The following SESN2 variants were observed in gnomAD, a reference collection of about 807,000 sequenced individuals.
The protein encoded by SESN2 is sestrin-2.
In SESN2, 42 loss-of-function variants were observed where a neutral mutation model predicts 56.0. That is an observed-to-expected ratio of 0.75 (90% CI 0.59 to 0.97). The LOEUF (loss-of-function observed/expected upper bound fraction) is 0.97, where lower values mean the gene tolerates loss of function less well. Among genes scored for constraint, SESN2 ranks in the 50% least tolerant of loss-of-function variants. The pLI is 0.00. For synonymous variants in SESN2, 264 were observed against 267.1 expected (o/e 0.99, Z 0.11); for missense variants, 507 against 649.4 (o/e 0.78, Z 2.38).
chr1:28,282,224 G>A lies in SESN2; in HGVS notation c.*1422G>A, dbSNP rs190218064. 1 of 152,776 alleles carries A rather than the reference G, an allele frequency of 6.5e-6. No homozygotes were observed. Among genetic ancestry groups the A allele is most frequent in the East Asian group, 1.9e-4 (1 of 5,196 alleles). 9.5% of individuals were successfully genotyped at this position (152,776 alleles called of 1,614,324 possible). A position where few individuals can be genotyped will look rare whatever the true frequency, so the allele number is the denominator to read the frequency against. On this transcript the variant is annotated 3_prime_UTR_variant, in exon 10 of 10. Coordinates refer to ENST00000253063, the MANE Select transcript of SESN2 (RefSeq NM_031459.5). ...TGCTGCTGGGCGGGGCAGGAGAGGAGCCTGGCCAGTGTGCCACATTAAATA... is the reference window on the plus strand; with the variant it reads ...TGCTGCTGGGCGGGGCAGGAGAGGAACCTGGCCAGTGTGCCACATTAAATA...
rs1367884362 is a variant in SESN2, at chr1:28,272,797, A to G, written c.750+4A>G. ...GGACCCGTTGAACAACTCTGGGGTA[A>G]GTCACGGGCCTGGGTCTTGATCGGG... On this transcript the variant is annotated splice_donor_region_variant and intron_variant, in intron 5 of 9. Coordinates refer to ENST00000253063, the MANE Select transcript of SESN2 (RefSeq NM_031459.5). 2 of 1,566,986 alleles carry G rather than the reference A, an allele frequency of 1.3e-6. No homozygotes were observed. The highest frequency in any genetic ancestry group is 1.7e-6 in the Non-Finnish European group (2 of 1,147,710).
chr1:28,272,632 G>A lies in SESN2; in HGVS notation c.589G>A (p.Ala197Thr). The change falls in exon 5 of 10, where the codon GCT becomes ACT. Residue 197 changes from alanine to threonine, a missense_variant. Physicochemically the swap from Ala to Thr is moderately conservative, Grantham distance 58. Transcript: ENST00000253063. ...TTGGTCCCTGGCCGAGCTCATTCAG[G>A]CTCTGGTCCTGCTCACCCACTGCCA... The part of the protein sequence containing the change: ...HTWSLAELIQ[A>T]LVLLTHCHSL... 1 of 1,614,124 alleles carries A rather than the reference G, an allele frequency of 6.2e-7. No homozygotes were observed. Among genetic ancestry groups the A allele is most frequent in the Non-Finnish European group, 8.5e-7 (1 of 1,180,008 alleles).
At position 28,275,751 on chromosome 1, in the gene SESN2, C is replaced by CA. The variant is rs941244598; in HGVS notation, c.1211+746dup. 7.3e-3 allele frequency among the ~76,000 whole-genome samples: 1,061 copies of CA among 145,688 alleles called. 10 individuals are homozygous for CA. The highest frequency in any genetic ancestry group is 0.025 in the African/African-American group (1,000 of 39,596). On this transcript the variant is annotated intron_variant, in intron 8 of 9. Coordinates refer to ENST00000253063, the MANE Select transcript of SESN2 (RefSeq NM_031459.5). Reference sequence around the variant, plus strand: ...TGGGTGACAGAGCAAGACTCTGTCTCAAAAAAAAAATTACAATAGAGGCCA... The same window carrying CA: ...TGGGTGACAGAGCAAGACTCTGTCTCAAAAAAAAAAATTACAATAGAGGCCA...
chr1:28,277,303 G>T (rs1648088093), intron 8 of SESN2, among the ~76,000 whole-genome samples: 1 of 151,718 alleles, frequency 6.6e-6, no homozygotes, highest in Non-Finnish European at 1.5e-5. Flanking sequence ...CCTGAGCTCA[G>T]GTGATCCTTC....
chr1:28,260,713 C>A lies in SESN2; in HGVS notation c.90+776C>A, dbSNP rs554053661. On this transcript the variant is annotated intron_variant, in intron 1 of 9. Transcript: ENST00000253063. ...CTTCGCGCCGCTCCCCTCCACCCCC[C>A]CGCATTCGCATCCCGGCATAGCCCG... Among the ~76,000 whole-genome samples the A allele has an allele frequency of 1.4e-4, 21 of 152,194 alleles. No homozygotes were observed. The South Asian group carries it at 4.1e-3, about 30-fold the overall frequency.
At chr1:28,279,871 T>C (rs1156232366) in intron 9 of SESN2, among the ~76,000 whole-genome samples, 2 of 151,884 alleles carry the variant, frequency 1.3e-5, no homozygotes, top group African/African-American at 4.8e-5. Flanking sequence ...GTTTTTTTTT[T>C]GAGACAGAGT....
intron 1 of SESN2, among the ~76,000 whole-genome samples, chr1:28,265,638 G>A (rs548862455): frequency 7.6e-4 from 115 of 152,172 alleles, no homozygotes; most frequent in African/African-American, 2.6e-3. Flanking sequence ...CTGGTGATCC[G>A]CCTGCCTCGG....
At chr1:28,265,761 G>A (rs1021540282) in intron 1 of SESN2, among the ~76,000 whole-genome samples, 3 of 152,060 alleles carry the variant, frequency 2.0e-5, no homozygotes, top group African/African-American at 7.2e-5. Context: ...CTAGCCTCAG[G>A]TGATCCTCCA....
rs184204687 is a variant in SESN2 at position 28,261,964 on chromosome 1, A to G, written c.90+2027A>G. Among the ~76,000 whole-genome samples, 59 of 152,148 alleles carry G rather than the reference A, an allele frequency of 3.9e-4. No individual in the cohort carries two copies. In the East Asian group the frequency reaches 0.011, roughly 28 times the overall value. On this transcript the variant is annotated intron_variant, in intron 1 of 9. Transcript: ENST00000253063. Reference sequence around the variant, plus strand: ...CCCAGCTAATTTTTGTATTTTCAGTAGAAACAGAGTTTCAGCATGTTGGCC... The same window carrying G: ...CCCAGCTAATTTTTGTATTTTCAGTGGAAACAGAGTTTCAGCATGTTGGCC...
At position 28,272,806 on chromosome 1, in the gene SESN2, C is replaced by T. The variant is rs764835783; in HGVS notation, c.750+13C>T. On this transcript the variant is annotated intron_variant, in intron 5 of 9. Coordinates refer to ENST00000253063, the MANE Select transcript of SESN2 (RefSeq NM_031459.5). ...GAACAACTCTGGGGTAAGTCACGGG[C>T]CTGGGTCTTGATCGGGGAGGAAGCG... The T allele has an allele frequency of 1.9e-5, 29 of 1,531,334 alleles. No homozygotes were observed. The highest frequency in any genetic ancestry group is 1.3e-4 in the Admixed American group (7 of 54,616). 94.9% of individuals were successfully genotyped at this position (1,531,334 alleles called of 1,614,324 possible).
chr1:28,268,736 AAGG>A (rs1453672777), intron 1 of SESN2, among the ~76,000 whole-genome samples: 3 of 151,494 alleles, frequency 2.0e-5, no homozygotes, highest in Non-Finnish European at 4.4e-5. Flanking sequence ...AGGAGGAAGA[AAGG>A]AAGGAAGGAA....
At chr1:28,280,256 T>G (rs1648187320) in intron 9 of SESN2, among the ~76,000 whole-genome samples, 2 of 152,106 alleles carry the variant, frequency 1.3e-5, no homozygotes, top group Admixed American at 6.6e-5. Context: ...GCTGGGAAGA[T>G]AAAATAAAAA....
At chr1:28,262,621 CAAAAAA>C (rs71027268) in intron 1 of SESN2, among the ~76,000 whole-genome samples, 14 of 52,500 alleles carry the variant, frequency 2.7e-4, no homozygotes, top group African/African-American at 4.7e-4. Flanking sequence ...GAGTCTGTCT[CAAAAAA>C]AAAAAAAAAA....
intron 1 of SESN2, among the ~76,000 whole-genome samples, chr1:28,262,425 T>G (rs542913444): frequency 1.3e-5 from 2 of 149,634 alleles, no homozygotes; most frequent in East Asian, 4.0e-4. Context: ...GATGGATTGC[T>G]TGAGCCCAGG....
chr1:28,278,823 G>C (rs1289452779), intron 8 of SESN2, among the ~76,000 whole-genome samples: 1 of 152,158 alleles, frequency 6.6e-6, no homozygotes, highest in Non-Finnish European at 1.5e-5. Flanking sequence ...GTACACAGTA[G>C]TGTAGAGTAG....
rs1235732454 is a variant in SESN2, at chr1:28,274,064, A to G, written c.926A>G (p.His309Arg). ...PSADILEPSP[H>R]PDMLCFVEDP... ...GCTGACATCCTGGAGCCCTCTCCACACCCAGACATGCTGTGCTTTGTGGAA... is the reference window on the plus strand; with the variant it reads ...GCTGACATCCTGGAGCCCTCTCCACGCCCAGACATGCTGTGCTTTGTGGAA... The change falls in exon 7 of 10, where the codon CAC (histidine) becomes CGC (arginine). Residue 309 changes from histidine to arginine, a missense_variant. Physicochemically the swap from His to Arg is conservative, Grantham distance 29 (BLOSUM62 0). Transcript: ENST00000253063. The G allele has an allele frequency of 2.5e-6, 4 of 1,613,798 alleles. No individual in the cohort carries two copies. The highest frequency in any genetic ancestry group is 3.4e-6 in the Non-Finnish European group (4 of 1,179,844).
At chr1:28,270,266 GCA>G in intron 2 of SESN2, among the ~76,000 whole-genome samples, 1 of 151,806 alleles carries the variant, frequency 6.6e-6, no homozygotes, top group Non-Finnish European at 1.5e-5. Flanking sequence ...CAGGAGAATG[GCA>G]TGAACCCGGG....
intron 5 of SESN2, among the ~76,000 whole-genome samples, 170 bp downstream of exon 5, chr1:28,272,963 A>C (rs759877238): frequency 6.6e-6 from 1 of 152,148 alleles, no homozygotes; most frequent in Non-Finnish European, 1.5e-5. Context: ...AAATGGGGAG[A>C]TAAAGACCCT....
At chr1:28,275,065 C>G in intron 8 of SESN2, 50 bp downstream of exon 8, 1 of 1,335,898 alleles carries the variant, frequency 7.5e-7, no homozygotes, top group Non-Finnish European at 1.0e-6. Flanking sequence ...TAAGTCTTCA[C>G]TCTGGGTTCA....
Sources: gnomAD v4.1 joint callset for allele counts (sites outside exome capture counted in the v4.1 genomes callset) on GRCh38, gnomAD v4.1.1 for gene constraint, MANE v1.5 for transcripts, NCBI Gene and HGNC (gene_info 2026-07-23, HGNC 2026-07-21) for gene names.